The following KATNA1 variants were observed in gnomAD, a reference collection of about 807,000 sequenced individuals.
KATNA1 encodes the protein katanin catalytic subunit A1.
KATNA1 carries 42 observed loss-of-function variants against 62.6 expected under a neutral mutation model. The ratio of observed to expected loss-of-function variants is 0.67; its 90% CI spans 0.52 to 0.87. The LOEUF (loss-of-function observed/expected upper bound fraction) is 0.87, where lower values mean the gene tolerates loss of function less well. KATNA1 is among the 40% of genes least tolerant of loss of function. The probability of loss-of-function intolerance (pLI) is 0.00; values close to 1 mark genes in which losing one functional copy is unlikely to be tolerated. For missense variants in KATNA1, 498 were observed against 612.5 expected, an observed-to-expected ratio of 0.81 and a Z score of 1.97; for synonymous variants, 186 against 201.9, an observed-to-expected ratio of 0.92 and a Z score of 0.67.
At chr6:149,616,448 T>C (rs984981816) in intron 4 of KATNA1, among the ~76,000 whole-genome samples, 14 of 152,260 alleles carry the variant, frequency 9.2e-5, no homozygotes, top group Non-Finnish European at 1.6e-4. Flanking sequence ...TGGAAAACAG[T>C]TTTGTCATTC....
At chr6:149,622,977 C>G (rs1779459167) in intron 4 of KATNA1, 126 bp downstream of exon 4, 1 of 674,406 alleles carries the variant, frequency 1.5e-6, no homozygotes, top group African/African-American at 1.8e-5. Flanking sequence ...CCACTGCACC[C>G]CAGCCTGGGT....
intron 4 of KATNA1, among the ~76,000 whole-genome samples, chr6:149,609,855 C>A (rs1778881472): frequency 7.0e-6 from 1 of 143,610 alleles, no homozygotes; most frequent in Non-Finnish European, 1.5e-5. Flanking sequence ...AATCCCAGCA[C>A]TTTGGGAGGC....
At chr6:149,598,773 C>T (rs1778423846) in intron 7 of KATNA1, among the ~76,000 whole-genome samples, 2 of 152,086 alleles carry the variant, frequency 1.3e-5, no homozygotes, top group African/African-American at 2.4e-5. Flanking sequence ...AAGGAGCCTG[C>T]CACACTGTGC....
At chr6:149,602,755 C>T (rs1302851455) in intron 6 of KATNA1, among the ~76,000 whole-genome samples, 1 of 147,216 alleles carries the variant, frequency 6.8e-6, no homozygotes, top group African/African-American at 2.5e-5. Context: ...GAGTTTCGCT[C>T]TTGTTGCCCA....
chr6:149,596,633 G>C (rs1466163806), intron 10 of KATNA1, among the ~76,000 whole-genome samples: 3 of 152,056 alleles, frequency 2.0e-5, no homozygotes, highest in African/African-American at 4.8e-5. Flanking sequence ...GGGTGCAGTG[G>C]CACAATCATG....
intron 7 of KATNA1, among the ~76,000 whole-genome samples, chr6:149,598,637 C>T (rs1778418705): frequency 6.6e-6 from 1 of 152,022 alleles, no homozygotes; most frequent in Admixed American, 6.5e-5. Flanking sequence ...GAGAGGATCC[C>T]TTGAGCCCAG....
chr6:149,625,214 G>A (rs1438101204), intron 3 of KATNA1, among the ~76,000 whole-genome samples: 1 of 152,120 alleles, frequency 6.6e-6, no homozygotes, highest in East Asian at 1.9e-4. Context: ...TACTGAACAT[G>A]ATATACTGAT....
At chr6:149,642,391 A>C (rs775058776) in intron 1 of KATNA1, among the ~76,000 whole-genome samples, 76 of 152,320 alleles carry the variant, frequency 5.0e-4, no homozygotes, top group Non-Finnish European at 9.7e-4. Flanking sequence ...ATACACACAC[A>C]TATATATGTA....
Position 149,595,183 on chromosome 6 carries a change from C to G in KATNA1, c.1329G>C (p.Glu443Asp). ...MRRRIEGLTP[E>D]EIRNLSKEEM... ...CTTCTTTGGAAAGATTTCGGATTTCCTCTGGAGTCAAACCTTCAATGCGCC... is the reference window on the plus strand; with the variant it reads ...CTTCTTTGGAAAGATTTCGGATTTCGTCTGGAGTCAAACCTTCAATGCGCC... The change falls in exon 11 of 11, where the codon GAG becomes GAC. Residue 443 changes from glutamate (E) to aspartate (D), a missense_variant. Transcript: ENST00000367411. 1 of 1,614,062 alleles carries G rather than the reference C, an allele frequency of 6.2e-7. No homozygotes were observed. The highest frequency in any genetic ancestry group is 1.3e-5 in the African/African-American group (1 of 75,016).
intron 4 of KATNA1, among the ~76,000 whole-genome samples, chr6:149,609,814 A>AAAAAAAAAAAAAAAAAAAC (rs1562284874): frequency 2.8e-5 from 4 of 141,660 alleles, no homozygotes; most frequent in African/African-American, 1.1e-4. Context: ...AAAAAAAAAA[A>AAAAAAAAAAAAAAAAAAAC]AATAGGCCAG....
Position 149,632,786 on chromosome 6 carries a change from C to G in KATNA1, c.293G>C (p.Trp98Ser). 2 of 1,613,198 alleles carry G rather than the reference C, an allele frequency of 1.2e-6. No homozygotes were observed. The highest frequency in any genetic ancestry group is 2.2e-5 in the South Asian group (2 of 90,922). Residue 98 changes from tryptophan (W) to serine (S), a missense_variant, in exon 3 of 11, where the codon TGG becomes TCG. Around this residue, in one of 3 missense-constraint regions of KATNA1, gnomAD observed 203 missense variants for 198.4 expected, o/e 1.02. Coordinates refer to ENST00000367411, the MANE Select transcript of KATNA1 (RefSeq NM_007044.4). ...HDLPASEGEV[W>S]SMPVPVERRP... ...TCGTTCAACAGGTACAGGCATGGACCAGACTTCTCCCTCAGAAGCTGGAAG... is the reference window on the plus strand; with the variant it reads ...TCGTTCAACAGGTACAGGCATGGACGAGACTTCTCCCTCAGAAGCTGGAAG...
At chr6:149,612,687 T>C (rs1229805830) in intron 4 of KATNA1, among the ~76,000 whole-genome samples, 2 of 152,106 alleles carry the variant, frequency 1.3e-5, no homozygotes, top group Non-Finnish European at 2.9e-5. Context: ...TTCATGAATA[T>C]ACAGATGCAA....
At chr6:149,623,472 C>T (rs1779489761) in intron 3 of KATNA1, among the ~76,000 whole-genome samples, 189 bp from the exon 4 acceptor site, 1 of 152,172 alleles carries the variant, frequency 6.6e-6, no homozygotes, top group Non-Finnish European at 1.5e-5. Context: ...CGCGGTGGCT[C>T]ACACCTGCAA....
chr6:149,618,665 C>A (rs771670181), intron 4 of KATNA1, among the ~76,000 whole-genome samples: 1 of 151,902 alleles, frequency 6.6e-6, no homozygotes, highest in Non-Finnish European at 1.5e-5. Flanking sequence ...ATAGAGAATC[C>A]GGAAATCCAT....
chr6:149,640,025 T>C (rs1330767346), intron 1 of KATNA1, among the ~76,000 whole-genome samples: 2 of 152,220 alleles, frequency 1.3e-5, no homozygotes, highest in Non-Finnish European at 2.9e-5. Flanking sequence ...GCTAGAATTA[T>C]AATTGTGCCA....
chr6:149,597,309 A>T (rs1778363445), intron 9 of KATNA1, 120 bp from the exon 10 acceptor site: 2 of 1,268,864 alleles, frequency 1.6e-6, no homozygotes, highest in Non-Finnish European at 1.1e-6. Context: ...CTAAGAAGAG[A>T]TAATTAAGTA....
At chr6:149,603,743 A>G (rs1778636265) in intron 5 of KATNA1, among the ~76,000 whole-genome samples, 1 of 152,224 alleles carries the variant, frequency 6.6e-6, no homozygotes, top group Admixed American at 6.5e-5. Context: ...AAAAAAAAGC[A>G]TAAAGAATAA....
At chr6:149,601,525 G>A in intron 7 of KATNA1, 69 bp downstream of exon 7, 1 of 1,353,348 alleles carries the variant, frequency 7.4e-7, no homozygotes, top group Non-Finnish European at 1.0e-6. Context: ...ATATACTGGA[G>A]ATAGTTACAG....
At chr6:149,619,006 A>G (rs1779292816) in intron 4 of KATNA1, among the ~76,000 whole-genome samples, 1 of 152,220 alleles carries the variant, frequency 6.6e-6, no homozygotes. Context: ...ATGCTTCTGC[A>G]CAGTAAAGGC....
Sources: allele counts gnomAD v4.1 joint callset (sites outside exome capture counted in the v4.1 genomes callset), GRCh38; gene constraint gnomAD v4.1.1; regional missense constraint gnomAD v4.1.1; transcripts MANE v1.5; gene names NCBI Gene and HGNC (gene_info 2026-07-23, HGNC 2026-07-21).